Variants in BLNK observed in about 807,000 individuals in gnomAD.
The protein encoded by BLNK is B-cell linker protein.
BLNK carries 29 observed loss-of-function variants against 73.5 expected under a neutral mutation model. The observed-to-expected ratio is 0.39, with a 90% confidence interval of 0.29 to 0.54. The LOEUF (loss-of-function observed/expected upper bound fraction) is 0.54, where lower values mean the gene tolerates loss of function less well. BLNK is among the 20% of genes least tolerant of loss of function. The pLI is 0.61. For synonymous variants in BLNK, 176 were observed against 200.8 expected (o/e 0.88, Z 1.04); for missense variants, 460 against 562.8 (o/e 0.82, Z 1.85).
chr10:96,206,550 C>CAAAAAAAA (rs587613981), intron 11 of BLNK, among the ~76,000 whole-genome samples: 1 of 126,988 alleles, frequency 7.9e-6, no homozygotes, highest in Non-Finnish European at 1.6e-5. Context: ...GACCCTAACT[C>CAAAAAAAA]AAAAAAAAAA....
At chr10:96,241,930 G>T (rs1166340553) in intron 3 of BLNK, among the ~76,000 whole-genome samples, 2 of 152,006 alleles carry the variant, frequency 1.3e-5, no homozygotes, top group Non-Finnish European at 2.9e-5. Flanking sequence ...ATGTTGCCCA[G>T]GCTGATCTCA....
At chr10:96,216,571 C>A (rs2084070628) in intron 7 of BLNK, 82 bp downstream of exon 7, 1 of 1,221,776 alleles carries the variant, frequency 8.2e-7, no homozygotes, top group African/African-American at 1.5e-5. Context: ...TTCTGAGCCT[C>A]TTAGTGCTTA....
chr10:96,189,998 G>T lies in BLNK; in HGVS notation c.*1975C>A. 1 of 822,220 alleles carries T rather than the reference G, an allele frequency of 1.2e-6. No homozygotes were observed. The allele number at this position is 822,220 out of a possible 1,614,324, so 50.9% of individuals were successfully genotyped here. On this transcript the variant is annotated 3_prime_UTR_variant, in exon 17 of 17. Coordinates refer to ENST00000224337, the MANE Select transcript of BLNK (RefSeq NM_013314.4). ...TACAGACATTTTCAAAGGTGCCAGT[G>T]TTATTTAATTGGACTGCCTTCATAA...
intron 3 of BLNK, chr10:96,239,142 G>A: frequency 2.5e-6 from 1 of 398,660 alleles, no homozygotes; most frequent in Non-Finnish European, 4.4e-6. Context: ...ATTTGGAAGG[G>A]TTCCAGGAAA....
chr10:96,225,706 G>A (rs587710803), intron 5 of BLNK, among the ~76,000 whole-genome samples: 15 of 150,942 alleles, frequency 9.9e-5, no homozygotes, highest in Admixed American at 2.0e-4. Flanking sequence ...GCAGTGGTGC[G>A]ATCTTGGCTC....
rs3031836 is a variant in BLNK, at chr10:96,209,371, G to GATTTATTT, written c.746+459_746+466dup. On this transcript the variant is annotated intron_variant, in intron 9 of 16. Coordinates refer to ENST00000224337, the MANE Select transcript of BLNK (RefSeq NM_013314.4). ...AACTTCACAGGAGGAAATACTTCTA[G>GATTTATTT]ATTTATTTATTTATTTATTTATTTA... Among the ~76,000 whole-genome samples, 270 of 150,944 alleles carry GATTTATTT rather than the reference G, an allele frequency of 1.8e-3. 1 individual carries two copies. The highest frequency in any genetic ancestry group is 6.8e-3 in the Middle Eastern group (2 of 292).
intron 1 of BLNK, among the ~76,000 whole-genome samples, chr10:96,260,604 C>G (rs894400660): frequency 6.6e-6 from 1 of 152,084 alleles, no homozygotes; most frequent in Non-Finnish European, 1.5e-5. Flanking sequence ...GTCCTGGCAT[C>G]CATTTCTGCA....
intron 10 of BLNK, 63 bp from the exon 11 acceptor site, chr10:96,207,116 G>A (rs1294649652): frequency 1.4e-6 from 2 of 1,407,290 alleles, no homozygotes; most frequent in African/African-American, 2.8e-5. Context: ...AAATGTCAGA[G>A]CAATATTATT....
intron 15 of BLNK, among the ~76,000 whole-genome samples, chr10:96,197,563 C>G (rs1371103394): frequency 6.6e-6 from 1 of 152,086 alleles, no homozygotes; most frequent in Non-Finnish European, 1.5e-5. Flanking sequence ...CTAGAGGACT[C>G]TCTTGAACTG....
intron 15 of BLNK, among the ~76,000 whole-genome samples, chr10:96,198,627 A>T (rs1027376758): frequency 1.3e-5 from 2 of 152,200 alleles, no homozygotes; most frequent in African/African-American, 4.8e-5. Flanking sequence ...TTCAAACTCA[A>T]ATTAAGGATT....
At chr10:96,241,661 T>G (rs1842882670) in intron 3 of BLNK, among the ~76,000 whole-genome samples, 1 of 152,150 alleles carries the variant, frequency 6.6e-6, no homozygotes. Flanking sequence ...TTAGATTCAT[T>G]AGTGCTGCTG....
intron 8 of BLNK, among the ~76,000 whole-genome samples, chr10:96,210,865 T>TTTTG (rs1564821401): frequency 7.3e-6 from 1 of 136,954 alleles, no homozygotes; most frequent in African/African-American, 3.2e-5. Flanking sequence ...ACAATTCCGT[T>TTTTG]TTTTTTTTTT....
In BLNK at chr10:96,223,854, G is replaced by T. The variant is rs1443010399; in HGVS notation, c.497C>A (p.Pro166His). Reference sequence around the variant, plus strand: ...ATCCTCAAGGAGGCCTTTGGGTTTGGGTGGGACTTGAGGTTTCTGCAAAGC... The same window carrying T: ...ATCCTCAAGGAGGCCTTTGGGTTTGTGTGGGACTTGAGGTTTCTGCAAAGC... Reference protein sequence around the residue: ...LTALQKPQVPPKPKGLLEDEA... With the variant: ...LTALQKPQVPHKPKGLLEDEA... The change falls in exon 6 of 17, where the codon CCC becomes CAC. Residue 166 changes from proline to histidine, a missense_variant. Physicochemically the swap from Pro to His is moderately conservative, Grantham distance 77 (BLOSUM62 -2). Transcript: ENST00000224337. 3.7e-6 allele frequency: 6 copies of T among 1,613,774 alleles called. No homozygotes were observed. The highest frequency in any genetic ancestry group is 5.1e-6 in the Non-Finnish European group (6 of 1,180,038).
chr10:96,194,134 C>T (rs1400085521), intron 16 of BLNK, among the ~76,000 whole-genome samples: 3 of 152,146 alleles, frequency 2.0e-5, no homozygotes, highest in African/African-American at 7.2e-5. Flanking sequence ...AGCAGGACAA[C>T]GAAATCCAGA....
chr10:96,199,105 A>G (rs995748645), intron 15 of BLNK, among the ~76,000 whole-genome samples: 8 of 152,252 alleles, frequency 5.3e-5, no homozygotes, highest in Admixed American at 5.2e-4. Flanking sequence ...ACAATGGTGG[A>G]AGTCCACCAA....
At position 96,256,490 on chromosome 10, in the gene BLNK, G is replaced by A. The variant is rs957953336; in HGVS notation, c.48-9441C>T. Among the ~76,000 whole-genome samples the A allele has an allele frequency of 5.3e-5, 8 of 151,964 alleles. No homozygotes were observed. In the South Asian group the frequency reaches 1.0e-3, roughly 20 times the overall value. On this transcript the variant is annotated intron_variant, in intron 1 of 16. Coordinates refer to ENST00000224337, the MANE Select transcript of BLNK (RefSeq NM_013314.4). ...TTAGGTGTTTAATGTAATTGACTCT[G>A]GGTTTCTTTTTAAGATGCTACTAAT...
intron 8 of BLNK, among the ~76,000 whole-genome samples, chr10:96,210,844 C>T (rs1208397231): frequency 6.7e-6 from 1 of 149,914 alleles, no homozygotes; most frequent in Non-Finnish European, 1.5e-5. Context: ...ACTTACTACA[C>T]ATACAAGTCC....
intron 6 of BLNK, among the ~76,000 whole-genome samples, chr10:96,223,525 A>G (rs1478133950): frequency 6.6e-6 from 1 of 152,214 alleles, no homozygotes; most frequent in Non-Finnish European, 1.5e-5. Context: ...ATAAAGAGAG[A>G]GGAAGAACAT....
Position 96,189,935 on chromosome 10 carries a change from G to C in BLNK, c.*2038C>G. 1.0e-6 allele frequency: 1 copy of C among 967,160 alleles called. No individual in the cohort carries two copies. The highest frequency in any genetic ancestry group is 1.7e-6 in the Non-Finnish European group (1 of 604,904). 59.9% of individuals were successfully genotyped at this position (967,160 alleles called of 1,614,324 possible). A position where few individuals can be genotyped will look rare whatever the true frequency, so the allele number is the denominator to read the frequency against. On this transcript the variant is annotated 3_prime_UTR_variant, in exon 17 of 17. Coordinates refer to ENST00000224337, the MANE Select transcript of BLNK (RefSeq NM_013314.4). ...ACACTTCAACCATAAAAGCACTGGT[G>C]GTGTTATTTCAAAGACCCCAAGGGA...
Sources: gnomAD v4.1 joint callset for allele counts (sites outside exome capture counted in the v4.1 genomes callset) on GRCh38, gnomAD v4.1.1 for gene constraint, MANE v1.5 for transcripts, NCBI Gene and HGNC (gene_info 2026-07-23, HGNC 2026-07-21) for gene names.